Variants in B3GALT9 observed in about 807,000 individuals in gnomAD.
B3GALT9 encodes the protein beta-1,3-galactosyltransferase 9.
intron 1 of B3GALT9, among the ~76,000 whole-genome samples, chr9:120,794,506 TTGTGTGTGTGTGTGTG>T (rs10589412): frequency 2.3e-4 from 32 of 142,168 alleles, no homozygotes; most frequent in East Asian, 6.3e-4. Flanking sequence ...GCCCAGCTAG[TTGTGTGTGTGTGTGTG>T]TGTGTGTGTG....
rs1564469449 is a variant in B3GALT9 at position 120,798,601 on chromosome 9, C to T, written c.33C>T (p.His11=). Residue 11 remains histidine (H), a synonymous_variant, in exon 3 of 3, where the codon CAC becomes CAT. Transcript: ENST00000689072. MQVTFCRLRT[H]QWCFILFNVI... is the part of the protein sequence containing the mutation. Reference sequence around the variant, plus strand: ...TGACTTTCTGCAGACTTCGGACTCACCAGTGGTGTTTCATTCTATTTAATG... The same window carrying T: ...TGACTTTCTGCAGACTTCGGACTCATCAGTGGTGTTTCATTCTATTTAATG... The T allele has an allele frequency of 2.5e-6, 1 of 399,546 alleles. No individual in the cohort carries two copies. Among genetic ancestry groups the T allele is most frequent in the African/African-American group, 2.1e-5 (1 of 48,608 alleles). 24.8% of individuals were successfully genotyped at this position (399,546 alleles called of 1,614,324 possible).
Position 120,793,563 on chromosome 9 carries a change from C to T in B3GALT9, c.-541C>T, listed in dbSNP as rs2044905918. 3 of 400,026 alleles carry T rather than the reference C, an allele frequency of 7.5e-6. No individual in the cohort carries two copies. The highest frequency in any genetic ancestry group is 4.4e-6 in the Non-Finnish European group (1 of 227,000). The allele number at this position is 400,026 out of a possible 1,614,324, so 24.8% of individuals were successfully genotyped here. On this transcript the variant is annotated 5_prime_UTR_variant, in exon 1 of 3. Transcript: ENST00000689072. The stretch of plus-strand genomic sequence containing the variant: ...GTCCCGGGAAGCTGAACGCGTGCCG[C>T]GCGGCCCTCACGGTGCTTAGGCTGG...
Position 120,801,345 on chromosome 9 carries a change from G to T in B3GALT9, c.*1667G>T, listed in dbSNP as rs1265402629. Among the ~76,000 whole-genome samples the T allele has an allele frequency of 6.6e-6, 1 of 152,192 alleles. No homozygotes were observed. Among genetic ancestry groups the T allele is most frequent in the Non-Finnish European group, 1.5e-5 (1 of 68,034 alleles). On this transcript the variant is annotated 3_prime_UTR_variant, in exon 3 of 3. Transcript: ENST00000689072. ...TTGTGGTTTTACTTTGCATTTCCCT[G>T]ATGATTAGTGGTATTGAGCATTTTT...
chr9:120,796,884 C>T (rs2044942161), intron 2 of B3GALT9, among the ~76,000 whole-genome samples: 1 of 151,916 alleles, frequency 6.6e-6, no homozygotes, highest in South Asian at 2.1e-4. Context: ...TGGTGAAACT[C>T]CGTCTCTACT....
intron 1 of B3GALT9, among the ~76,000 whole-genome samples, chr9:120,795,104 CAAGA>C (rs2044928979): frequency 6.6e-6 from 1 of 152,108 alleles, no homozygotes; most frequent in Non-Finnish European, 1.5e-5. Flanking sequence ...AGTAAGGTCT[CAAGA>C]GAGCAAATTT....
At position 120,798,843 on chromosome 9, in the gene B3GALT9, G is replaced by A; in HGVS notation, c.275G>A (p.Ser92Asn). The A allele has an allele frequency of 2.5e-6, 1 of 399,154 alleles. No homozygotes were observed. The highest frequency in any genetic ancestry group is 4.4e-6 in the Non-Finnish European group (1 of 226,112). 24.7% of individuals were successfully genotyped at this position (399,154 alleles called of 1,614,324 possible). Residue 92 changes from serine to asparagine, a missense_variant, in exon 3 of 3, where the codon AGT becomes AAT. Ser to Asn is a conservative substitution (Grantham distance 46). Transcript: ENST00000689072. Reference protein sequence around the residue: ...KNIFLLSLIFSSPGNGTRRDL... With the variant: ...KNIFLLSLIFNSPGNGTRRDL... ...ATTTTTTTGCTGTCTCTTATCTTCA[G>A]TAGCCCAGGAAATGGAACAAGACGG...
rs745502913 is a variant in B3GALT9 at position 120,793,620 on chromosome 9, C to T, written c.-484C>T. The T allele has an allele frequency of 1.9e-4, 77 of 398,824 alleles. No homozygotes were observed. The highest frequency in any genetic ancestry group is 2.7e-4 in the Non-Finnish European group (62 of 226,216). 24.7% of individuals were successfully genotyped at this position (398,824 alleles called of 1,614,324 possible). ...CCTAGAACGGAGGTTCCTTTCGTAC[C>T]GTACATCCAGGTTTGCACAGCGCGC... is the stretch of plus-strand genomic sequence containing the variant. On this transcript the variant is annotated 5_prime_UTR_variant, in exon 1 of 3. Transcript: ENST00000689072.
rs1442392402 is a variant in B3GALT9, at chr9:120,793,527, G to T, written c.-577G>T. ...AGGCTGGAGGCCGGGAGTAGGGGTG[G>T]GGAGAAGAGCGTCCCGGGAAGCTGA... On this transcript the variant is annotated 5_prime_UTR_variant, in exon 1 of 3. Coordinates refer to ENST00000689072, the MANE Select transcript of B3GALT9 (RefSeq NM_001386823.1). 2 of 399,798 alleles carry T rather than the reference G, an allele frequency of 5.0e-6. No homozygotes were observed. The highest frequency in any genetic ancestry group is 8.8e-6 in the Non-Finnish European group (2 of 227,052). 24.8% of individuals were successfully genotyped at this position (399,798 alleles called of 1,614,324 possible).
chr9:120,796,930 G>A (rs1373473017), intron 2 of B3GALT9, among the ~76,000 whole-genome samples: 2 of 152,148 alleles, frequency 1.3e-5, no homozygotes, highest in East Asian at 3.9e-4. Context: ...GGTGGTGCAT[G>A]CCTGTAATCC....
At position 120,799,992 on chromosome 9, in the gene B3GALT9, C is replaced by G. The variant is rs1377713153; in HGVS notation, c.*314C>G. 1 of 167,918 alleles carries G rather than the reference C, an allele frequency of 6.0e-6. No homozygotes were observed. The highest frequency in any genetic ancestry group is 1.3e-5 in the Non-Finnish European group (1 of 78,968). The allele number at this position is 167,918 out of a possible 1,614,324, so 10.4% of individuals were successfully genotyped here. On this transcript the variant is annotated 3_prime_UTR_variant, in exon 3 of 3. Transcript: ENST00000689072. ...TGAGACAGGGTCTGGCTCTGTCACC[C>G]AGGCTGGAGTGCAGTGGCGCAATCT... is the stretch of plus-strand genomic sequence containing the variant.
In B3GALT9 at chr9:120,801,700, A is replaced by T. The variant is rs1260475376; in HGVS notation, c.*2022A>T. ...GGTTGCAGTGAGCCGAGATCATGCC[A>T]CTGCACTCCAGCCTGGGCAACAGTC... On this transcript the variant is annotated 3_prime_UTR_variant, in exon 3 of 3. Coordinates refer to ENST00000689072, the MANE Select transcript of B3GALT9 (RefSeq NM_001386823.1). Among the ~76,000 whole-genome samples, 1 of 152,200 alleles carries T rather than the reference A, an allele frequency of 6.6e-6. No homozygotes were observed. The highest frequency in any genetic ancestry group is 2.4e-5 in the African/African-American group (1 of 41,462).
In B3GALT9 at chr9:120,800,429, A is replaced by G. The variant is rs557918218; in HGVS notation, c.*751A>G. Among the ~76,000 whole-genome samples the G allele has an allele frequency of 1.3e-5, 2 of 150,470 alleles. No individual in the cohort carries two copies. Among genetic ancestry groups the G allele is most frequent in the East Asian group, 4.0e-4 (2 of 5,006 alleles). ...CCACCACGCCTGGCCTAATTTTTGTATTTTTTTATAGAGATGGGGGTTTCA... is the reference window on the plus strand; with the variant it reads ...CCACCACGCCTGGCCTAATTTTTGTGTTTTTTTATAGAGATGGGGGTTTCA... On this transcript the variant is annotated 3_prime_UTR_variant, in exon 3 of 3. Transcript: ENST00000689072.
chr9:120,798,500 C>T (rs1361239001), intron 2 of B3GALT9, 75 bp from the exon 3 acceptor site: 6 of 398,590 alleles, frequency 1.5e-5, no homozygotes, highest in East Asian at 3.6e-5. Flanking sequence ...GTGAGAGGTC[C>T]GTATAGGGTT....
At position 120,799,602 on chromosome 9, in the gene B3GALT9, T is replaced by A. The variant is rs145257201; in HGVS notation, c.1034T>A (p.Leu345His). The A allele has an allele frequency of 2.3e-5, 9 of 399,666 alleles. No individual in the cohort carries two copies. The highest frequency in any genetic ancestry group is 3.5e-5 in the Non-Finnish European group (8 of 226,208). The allele number at this position is 399,666 out of a possible 1,614,324, so 24.8% of individuals were successfully genotyped here. ...ETSYELISCK[L>H]LTYLDSFKRF... ...TCCTATGAGCTCATTTCCTGCAAAC[T>A]TCTGACGTACCTTGACAGCTTTAAA... Residue 345 changes from leucine to histidine, a missense_variant, in exon 3 of 3, where the codon CTT (leucine) becomes CAT (histidine). Physicochemically the swap from Leu to His is moderately conservative, Grantham distance 99 (BLOSUM62 -3). Transcript: ENST00000689072.
At chr9:120,794,938 G>A (rs1028842477) in intron 1 of B3GALT9, among the ~76,000 whole-genome samples, 1 of 152,126 alleles carries the variant, frequency 6.6e-6, no homozygotes, top group African/African-American at 2.4e-5. Flanking sequence ...ATGCTTGATA[G>A]CACAGTCCAA....
In B3GALT9 at chr9:120,800,993, T is replaced by C. The variant is rs1564469865; in HGVS notation, c.*1315T>C. 6.6e-6 allele frequency among the ~76,000 whole-genome samples: 1 copy of C among 152,242 alleles called. No individual in the cohort carries two copies. Among genetic ancestry groups the C allele is most frequent in the East Asian group, 1.9e-4 (1 of 5,204 alleles). ...ATTTGTCCTTCAATGCCTGGTTTAT[T>C]TCATGTAACATAATGCACTCCAGGT... On this transcript the variant is annotated 3_prime_UTR_variant, in exon 3 of 3. Transcript: ENST00000689072.
intron 1 of B3GALT9, among the ~76,000 whole-genome samples, chr9:120,794,400 C>G (rs2044918942): frequency 6.6e-6 from 1 of 151,542 alleles, no homozygotes; most frequent in South Asian, 2.1e-4. Flanking sequence ...TACAGTGACA[C>G]GATCTTGGCT....
chr9:120,798,160 C>T (rs1258398778), intron 2 of B3GALT9, among the ~76,000 whole-genome samples: 1 of 152,192 alleles, frequency 6.6e-6, no homozygotes, highest in African/African-American at 2.4e-5. Context: ...TGTTCCCATT[C>T]AAGAAAGAAC....
At chr9:120,795,764 G>T (rs960779615) in intron 1 of B3GALT9, among the ~76,000 whole-genome samples, 1 of 152,236 alleles carries the variant, frequency 6.6e-6, no homozygotes, top group Non-Finnish European at 1.5e-5. Flanking sequence ...TTGCTTGTGT[G>T]ACAGGAACAT....
Sources: gnomAD v4.1 joint callset for allele counts (sites outside exome capture counted in the v4.1 genomes callset) on GRCh38, gnomAD v4.1.1 for gene constraint, MANE v1.5 for transcripts, NCBI Gene and HGNC (gene_info 2026-07-23, HGNC 2026-07-21) for gene names.